DENND1B: variants seen among roughly 807,000 people sequenced by gnomAD.
DENND1B encodes DENN domain containing 1B, also known as DENN domain-containing protein 1B.
In DENND1B, 59 loss-of-function variants were observed where a neutral mutation model predicts 90.1. That is an observed-to-expected ratio of 0.65 (90% CI 0.53 to 0.81). DENND1B has a LOEUF of 0.81. Ranked by LOEUF, DENND1B falls within the 40% of genes least tolerant of loss-of-function variation. The pLI is 0.00. For missense variants in DENND1B, 862 were observed against 912.6 expected, an observed-to-expected ratio of 0.94 and a Z score of 0.71; for synonymous variants, 337 against 324.6, an observed-to-expected ratio of 1.04 and a Z score of -0.41.
At chr1:197,599,666 G>A (rs1023470735) in intron 13 of DENND1B, among the ~76,000 whole-genome samples, 4 of 151,732 alleles carry the variant, frequency 2.6e-5, no homozygotes, top group East Asian at 1.9e-4. Flanking sequence ...CTAAAGTTCA[G>A]TTTATTAAGA....
At position 197,772,152 on chromosome 1, in the gene DENND1B, T is replaced by C. The variant is rs141212986; in HGVS notation, c.82+716A>G. 6.2e-3 allele frequency among the ~76,000 whole-genome samples: 937 copies of C among 152,278 alleles called. 11 individuals are homozygous for C. Among genetic ancestry groups the C allele is most frequent in the African/African-American group, 0.022 (904 of 41,532 alleles). ...CGTTCTGGAAACATCAGAAGGGAAG[T>C]GGTGTAGTTTCCATTGGTACTAGCA... On this transcript the variant is annotated intron_variant, in intron 2 of 22. Coordinates refer to ENST00000620048, the MANE Select transcript of DENND1B (RefSeq NM_001195215.2).
At chr1:197,615,947 T>C (rs34780947) in intron 11 of DENND1B, among the ~76,000 whole-genome samples, 2,356 of 151,090 alleles carry the variant, frequency 0.016, 25 homozygotes, top group Non-Finnish European at 0.025. Flanking sequence ...CATTGAATTT[T>C]ATGGCAGGGG....
chr1:197,700,703 G>A (rs1276953535), intron 3 of DENND1B, among the ~76,000 whole-genome samples: 1 of 152,024 alleles, frequency 6.6e-6, no homozygotes, highest in Non-Finnish European at 1.5e-5. Flanking sequence ...TCTGGCAAAC[G>A]TCTAATATCC....
intron 15 of DENND1B, among the ~76,000 whole-genome samples, chr1:197,575,914 C>T (rs971317329): frequency 5.9e-5 from 9 of 152,100 alleles, no homozygotes; most frequent in African/African-American, 1.9e-4. Context: ...GGGAACATCA[C>T]ACACCAGGGC....
At chr1:197,744,141 C>T (rs1038842099) in intron 2 of DENND1B, among the ~76,000 whole-genome samples, 11 of 152,122 alleles carry the variant, frequency 7.2e-5, no homozygotes, top group African/African-American at 2.2e-4. Flanking sequence ...ACGTTGGAAT[C>T]GATTTGTTTC....
At chr1:197,526,302 C>T (rs1430001130) in intron 20 of DENND1B, among the ~76,000 whole-genome samples, 2 of 151,968 alleles carry the variant, frequency 1.3e-5, no homozygotes, top group East Asian at 3.9e-4. Context: ...TATTCAAAAC[C>T]AGAAGAAAAT....
In DENND1B at chr1:197,645,716, T is replaced by C. The variant is rs769103915; in HGVS notation, c.535A>G (p.Thr179Ala). Residue 179 changes from threonine (T) to alanine (A), a missense_variant, in exon 9 of 23, where the codon ACT becomes GCT. Thr to Ala is a moderately conservative substitution (Grantham distance 58). Transcript: ENST00000620048. ...PHSYFIAPDV[T>A]GLPTIPESRN... ...CTCTCGGGTATTGTTGGGAGTCCAG[T>C]TACATCAGGGGCAATGAAGTAGGAA... The C allele has an allele frequency of 5.7e-6, 9 of 1,571,698 alleles. No individual in the cohort carries two copies. The Admixed American group carries it at 1.4e-4, about 25-fold the overall frequency.
At chr1:197,684,558 G>T (rs533737172) in intron 3 of DENND1B, among the ~76,000 whole-genome samples, 7 of 152,032 alleles carry the variant, frequency 4.6e-5, no homozygotes, top group African/African-American at 1.4e-4. Context: ...AAAGGGATGG[G>T]GTATGAAAGA....
At chr1:197,697,080 T>C (rs1571396425) in intron 3 of DENND1B, among the ~76,000 whole-genome samples, 1 of 118,788 alleles carries the variant, frequency 8.4e-6, no homozygotes, top group Non-Finnish European at 1.8e-5. Flanking sequence ...AAACAGAAAT[T>C]CCACAAAAAA....
intron 20 of DENND1B, among the ~76,000 whole-genome samples, chr1:197,519,613 T>C (rs1322498468): frequency 6.6e-6 from 1 of 151,872 alleles, no homozygotes; most frequent in South Asian, 2.1e-4. Flanking sequence ...CTTCGGTTAA[T>C]TTGTACTAAA....
chr1:197,734,010 T>G (rs1305317378), intron 2 of DENND1B: 1 of 818,402 alleles, frequency 1.2e-6, no homozygotes, highest in East Asian at 1.2e-4. Flanking sequence ...TTCAAAAAAT[T>G]ACAAGAAATT....
chr1:197,739,218 C>A (rs906796217), intron 2 of DENND1B, among the ~76,000 whole-genome samples: 34 of 152,178 alleles, frequency 2.2e-4, no homozygotes, highest in African/African-American at 8.0e-4. Context: ...GAGGGTAACA[C>A]CTTAGCAGTG....
chr1:197,690,586 G>T, intron 3 of DENND1B: 1 of 241,568 alleles, frequency 4.1e-6, no homozygotes, highest in Non-Finnish European at 8.1e-6. Flanking sequence ...AGGGCTGCTA[G>T]AGTTGGGAAG....
In DENND1B at chr1:197,510,240, T is replaced by A. The variant is rs7554658; in HGVS notation, c.*220A>T. 3,521 of 553,430 alleles carry A rather than the reference T, an allele frequency of 6.4e-3. 109 individuals are homozygous for A. Among genetic ancestry groups the A allele is most frequent in the African/African-American group, 0.061 (3,171 of 52,336 alleles). 34.3% of individuals were successfully genotyped at this position (553,430 alleles called of 1,614,324 possible). On this transcript the variant is annotated 3_prime_UTR_variant, in exon 23 of 23. Coordinates refer to ENST00000620048, the MANE Select transcript of DENND1B (RefSeq NM_001195215.2). ...TCATGGTCAATACATACTTTAAACATACATACACACTAGTACCTGATTTAA... is the reference window on the plus strand; with the variant it reads ...TCATGGTCAATACATACTTTAAACAAACATACACACTAGTACCTGATTTAA...
chr1:197,630,882 G>A (rs1002400104), intron 10 of DENND1B, among the ~76,000 whole-genome samples: 2 of 152,056 alleles, frequency 1.3e-5, no homozygotes, highest in African/African-American at 4.8e-5. Context: ...GTACTCTCAA[G>A]GAACTTACAT....
chr1:197,516,601 G>A (rs1053667439), intron 20 of DENND1B, among the ~76,000 whole-genome samples: 1 of 151,562 alleles, frequency 6.6e-6, no homozygotes, highest in Admixed American at 6.6e-5. Flanking sequence ...CCCCATGTTC[G>A]GAACATAACA....
rs1280479887 is a variant in DENND1B, at chr1:197,713,758, AT to A, written c.126+1272del. On this transcript the variant is annotated intron_variant, in intron 3 of 22. Coordinates refer to ENST00000620048, the MANE Select transcript of DENND1B (RefSeq NM_001195215.2). ...ATAAAAAAAAAAAATTAAAAAAAAA[AT>A]AATTATATTATATTATTATATTATA... Among the ~76,000 whole-genome samples the A allele has an allele frequency of 1.7e-3, 130 of 77,652 alleles. 1 individual carries two copies. The highest frequency in any genetic ancestry group is 5.5e-3 in the African/African-American group (120 of 21,656). The allele number at this position is 77,652 out of a possible 152,430, so 50.9% of individuals were successfully genotyped here.
At chr1:197,513,522 T>TC (rs1668183194) in intron 20 of DENND1B, among the ~76,000 whole-genome samples, 1 of 151,214 alleles carries the variant, frequency 6.6e-6, no homozygotes, top group Non-Finnish European at 1.5e-5. Context: ...CTGCTGAATC[T>TC]GGGGGGTCAC....
rs537777124 is a variant in DENND1B at position 197,573,800 on chromosome 1, C to T, written c.1149+9352G>A. Among the ~76,000 whole-genome samples the T allele has an allele frequency of 5.1e-4, 78 of 152,224 alleles. 1 individual carries two copies. The highest frequency in any genetic ancestry group is 1.3e-3 in the African/African-American group (54 of 41,540). On this transcript the variant is annotated intron_variant, in intron 15 of 22. Transcript: ENST00000620048. The stretch of plus-strand genomic sequence containing the variant: ...TGGGATGCAGGGCTGGTTTAATATA[C>T]GCAAATCAATAAATGTAATCCATCA...
Sources: gnomAD v4.1 joint callset for allele counts (sites outside exome capture counted in the v4.1 genomes callset) on GRCh38, gnomAD v4.1.1 for gene constraint, MANE v1.5 for transcripts, NCBI Gene and HGNC (gene_info 2026-07-23, HGNC 2026-07-21) for gene names.